The following CERS6 variants were observed in gnomAD, a reference collection of about 807,000 sequenced individuals.
CERS6 encodes LAG1 homolog, ceramide synthase 6.
CERS6 carries 26 observed loss-of-function variants against 56.8 expected under a neutral mutation model. The ratio of observed to expected loss-of-function variants is 0.46; its 90% CI spans 0.34 to 0.63. The LOEUF (loss-of-function observed/expected upper bound fraction) is 0.63. CERS6 is among the 30% of genes least tolerant of loss of function. The probability of loss-of-function intolerance (pLI) is 0.01; values close to 1 mark genes in which losing one functional copy is unlikely to be tolerated. For missense variants in CERS6, 415 were observed against 467.5 expected, an observed-to-expected ratio of 0.89 and a Z score of 1.04; for synonymous variants, 164 against 173.3, an observed-to-expected ratio of 0.95 and a Z score of 0.42.
chr2:168,769,924 T>A lies in CERS6; in HGVS notation c.*262T>A. The A allele has an allele frequency of 2.6e-6, 1 of 386,270 alleles. No homozygotes were observed. Among genetic ancestry groups the A allele is most frequent in the East Asian group, 6.6e-5 (1 of 15,132 alleles). The allele number at this position is 386,270 out of a possible 1,614,324, so 23.9% of individuals were successfully genotyped here. ...TACTGTCTTAGAATATTATTTATTTTTTTGTATTTGTAAATCTGTGGACAA... is the reference window on the plus strand; with the variant it reads ...TACTGTCTTAGAATATTATTTATTTATTTGTATTTGTAAATCTGTGGACAA... On this transcript the variant is annotated 3_prime_UTR_variant, in exon 10 of 10. Transcript: ENST00000305747.
At chr2:168,559,502 C>T (rs541051676) in intron 2 of CERS6, among the ~76,000 whole-genome samples, 1 of 151,880 alleles carries the variant, frequency 6.6e-6, no homozygotes, top group Non-Finnish European at 1.5e-5. Context: ...ATGGAACAGA[C>T]TGAGAGAGAC....
chr2:168,671,808 A>G (rs569612710), intron 4 of CERS6, among the ~76,000 whole-genome samples: 10 of 152,336 alleles, frequency 6.6e-5, no homozygotes, highest in South Asian at 2.1e-4. Context: ...TAAAATATGT[A>G]TTTATTGAAT....
intron 8 of CERS6, among the ~76,000 whole-genome samples, chr2:168,725,847 C>T (rs1683334919): frequency 6.6e-6 from 1 of 152,200 alleles, no homozygotes; most frequent in African/African-American, 2.4e-5. Context: ...CTCCTCAACT[C>T]AAAAATCTAT....
chr2:168,672,844 G>A (rs764732506), intron 4 of CERS6, among the ~76,000 whole-genome samples: 1 of 152,182 alleles, frequency 6.6e-6, no homozygotes, highest in Non-Finnish European at 1.5e-5. Flanking sequence ...AATTTTGGAA[G>A]ATGAGAAGCT....
chr2:168,635,825 A>G (rs2105301398), intron 4 of CERS6, among the ~76,000 whole-genome samples: 1 of 152,212 alleles, frequency 6.6e-6, no homozygotes, highest in South Asian at 2.1e-4. Flanking sequence ...TTCATTCTTC[A>G]TGCGGTGTTC....
intron 3 of CERS6, among the ~76,000 whole-genome samples, chr2:168,616,148 T>C (rs1307554843): frequency 6.6e-6 from 1 of 152,176 alleles, no homozygotes; most frequent in Non-Finnish European, 1.5e-5. Flanking sequence ...AAAGATACAG[T>C]CTTTTTCGGT....
chr2:168,555,217 TAGAAAAC>T (rs940368926), intron 2 of CERS6, among the ~76,000 whole-genome samples: 2 of 151,962 alleles, frequency 1.3e-5, no homozygotes, highest in African/African-American at 4.8e-5. Context: ...TACCAGAAAT[TAGAAAAC>T]AGAAAAATCA....
chr2:168,516,113 T>TA (rs1694879812), intron 1 of CERS6, among the ~76,000 whole-genome samples: 1 of 152,290 alleles, frequency 6.6e-6, no homozygotes, highest in South Asian at 2.1e-4. Flanking sequence ...CAAAACCACT[T>TA]ACATTTTCCT....
At position 168,521,763 on chromosome 2, in the gene CERS6, C is replaced by T. The variant is rs569038595; in HGVS notation, c.171-25833C>T. ...CTTCCCCTGCAAAGATTTCCAAGGT[C>T]TGCGAGCCAAGAGAGAGCCTTCATT... On this transcript the variant is annotated intron_variant, in intron 1 of 9. Coordinates refer to ENST00000305747, the MANE Select transcript of CERS6 (RefSeq NM_203463.3). 3.9e-5 allele frequency among the ~76,000 whole-genome samples: 6 copies of T among 152,182 alleles called. 1 individual carries two copies. The highest frequency in any genetic ancestry group is 7.2e-5 in the African/African-American group (3 of 41,438).
At chr2:168,609,845 A>G (rs1298827234) in intron 3 of CERS6, among the ~76,000 whole-genome samples, 1 of 152,056 alleles carries the variant, frequency 6.6e-6, no homozygotes, top group Non-Finnish European at 1.5e-5. Flanking sequence ...AGGGCTTAAC[A>G]GGTTTGATGT....
At chr2:168,716,245 T>A (rs553348245) in intron 7 of CERS6, among the ~76,000 whole-genome samples, 1 of 152,248 alleles carries the variant, frequency 6.6e-6, no homozygotes, top group East Asian at 1.9e-4. Flanking sequence ...TTCAGCATAT[T>A]TTTTAGTAGG....
chr2:168,758,057 C>G (rs1343277364), intron 8 of CERS6, among the ~76,000 whole-genome samples: 1 of 152,186 alleles, frequency 6.6e-6, no homozygotes, highest in East Asian at 1.9e-4. Flanking sequence ...TAAATGCCCA[C>G]TTTTTTTGTT....
intron 6 of CERS6, among the ~76,000 whole-genome samples, chr2:168,695,570 C>T (rs551891063): frequency 2.6e-5 from 4 of 152,294 alleles, no homozygotes; most frequent in African/African-American, 7.2e-5. Context: ...TCCACTTATT[C>T]TGGCTTTCGT....
rs1212629347 is a variant in CERS6 at position 168,691,092 on chromosome 2, G to C, written c.516+8G>C. On this transcript the variant is annotated splice_region_variant and intron_variant, in intron 5 of 9. Transcript: ENST00000305747. ...TACAACTACCCCTATCAGGTAAGGA[G>C]GCATTATTGTCTGGGTTTTTACACA... The C allele has an allele frequency of 6.2e-7, 1 of 1,612,164 alleles. No homozygotes were observed. The highest frequency in any genetic ancestry group is 8.5e-7 in the Non-Finnish European group (1 of 1,178,530).
At chr2:168,686,042 T>C (rs149808069) in intron 4 of CERS6, among the ~76,000 whole-genome samples, 8 of 148,362 alleles carry the variant, frequency 5.4e-5, no homozygotes, top group Admixed American at 3.4e-4. Context: ...TCTCTTATGA[T>C]GCTGTTAGTC....
intron 1 of CERS6, among the ~76,000 whole-genome samples, chr2:168,510,107 A>C (rs1440636956): frequency 1.3e-5 from 2 of 151,332 alleles, no homozygotes; most frequent in African/African-American, 2.4e-5. Flanking sequence ...AAAAAAAAAA[A>C]CCAAGTTATC....
intron 1 of CERS6, among the ~76,000 whole-genome samples, chr2:168,475,308 C>T (rs970086071): frequency 2.0e-5 from 3 of 152,054 alleles, no homozygotes; most frequent in African/African-American, 7.2e-5. Flanking sequence ...CTGTAGCATG[C>T]AAAGTAAATC....
chr2:168,753,483 G>T (rs1382899952), intron 8 of CERS6, among the ~76,000 whole-genome samples: 1 of 152,102 alleles, frequency 6.6e-6, no homozygotes, highest in Non-Finnish European at 1.5e-5. Context: ...GCTTTTTGTT[G>T]TTGTTTATTT....
At chr2:168,754,515 C>A (rs1420737274) in intron 8 of CERS6, among the ~76,000 whole-genome samples, 1 of 152,084 alleles carries the variant, frequency 6.6e-6, no homozygotes, top group East Asian at 1.9e-4. Flanking sequence ...CTCTGATACC[C>A]AGAGTACACA....
Sources: allele counts gnomAD v4.1 joint callset (sites outside exome capture counted in the v4.1 genomes callset), GRCh38; gene constraint gnomAD v4.1.1; transcripts MANE v1.5; gene names NCBI Gene and HGNC (gene_info 2026-07-23, HGNC 2026-07-21).